The following DMD variants were observed in gnomAD, a reference collection of about 807,000 sequenced individuals.
The protein encoded by DMD is mutant dystrophin.
In DMD, 63 loss-of-function variants were observed where a neutral mutation model predicts 330.1. The ratio of observed to expected loss-of-function variants is 0.19; its 90% CI spans 0.16 to 0.24. The LOEUF (loss-of-function observed/expected upper bound fraction) is 0.24, where lower values mean the gene tolerates loss of function less well. Among genes scored for constraint, DMD ranks in the 10% least tolerant of loss-of-function variants. The probability of loss-of-function intolerance (pLI) is 1.00; values close to 1 mark genes in which losing one functional copy is unlikely to be tolerated. For missense variants in DMD, 3,344 were observed against 2,684.1 expected (o/e 1.25, Z -5.43); for synonymous variants, 1,223 against 959.8 (o/e 1.27, Z -5.07).
intron 60 of DMD, among the ~76,000 whole-genome samples, chrX:31,418,101 G>A (rs141658441): frequency 2.4e-4 from 26 of 110,434 alleles, no homozygotes; most frequent in Admixed American, 8.7e-4. Flanking sequence ...GTTTTAGTCC[G>A]TTGGAATGCT....
chrX:32,690,261 T>C (rs2063181166), intron 9 of DMD, among the ~76,000 whole-genome samples: 1 of 110,682 alleles, frequency 9.0e-6, no homozygotes, highest in Non-Finnish European at 1.9e-5. Flanking sequence ...ACAAATTCCA[T>C]TCACAAGAGC....
rs376686553 is a variant in DMD, at chrX:31,274,766, C to T, written c.9225-13750G>A. The stretch of plus-strand genomic sequence containing the variant: ...ATTAAGTTCTTTAAATAACTTCAAA[C>T]ATAGTGTATTTATGGAACACTTACA... On this transcript the variant is annotated intron_variant, in intron 62 of 78. Coordinates refer to ENST00000357033, the MANE Select transcript of DMD (RefSeq NM_004006.3). 5.3e-5 allele frequency among the ~76,000 whole-genome samples: 6 copies of T among 112,327 alleles called. No individual in the cohort carries two copies. The East Asian group carries it at 1.7e-3, about 31-fold the overall frequency.
intron 18 of DMD, among the ~76,000 whole-genome samples, chrX:32,507,370 G>A (rs1047355444): frequency 9.0e-6 from 1 of 111,632 alleles, no homozygotes; most frequent in African/African-American, 3.2e-5. Flanking sequence ...AAAGTAGAAT[G>A]AGAACACTAT....
chrX:31,321,320 C>T (rs989256861), intron 62 of DMD, among the ~76,000 whole-genome samples: 3 of 109,800 alleles, frequency 2.7e-5, no homozygotes, highest in African/African-American at 1.0e-4. Flanking sequence ...CATGGTGGCT[C>T]AAGCCTGTAA....
intron 43 of DMD, among the ~76,000 whole-genome samples, chrX:32,266,871 A>T (rs908250416): frequency 8.9e-6 from 1 of 112,148 alleles, no homozygotes; most frequent in African/African-American, 3.2e-5. Context: ...AGGAACTATG[A>T]AGCAGTTTGC....
intron 60 of DMD, among the ~76,000 whole-genome samples, chrX:31,400,831 G>T (rs1172159993): frequency 8.9e-6 from 1 of 111,978 alleles, no homozygotes; most frequent in Admixed American, 9.5e-5. Context: ...GTTCACATCA[G>T]CTTGAAACGA....
chrX:31,638,355 C>A (rs892102006), intron 54 of DMD, among the ~76,000 whole-genome samples: 1 of 111,584 alleles, frequency 9.0e-6, no homozygotes, highest in African/African-American at 3.3e-5. Flanking sequence ...GATGGGCCTC[C>A]TCTCTGTAGT....
intron 60 of DMD, among the ~76,000 whole-genome samples, chrX:31,386,674 G>C (rs1189351651): frequency 8.9e-6 from 1 of 112,149 alleles, no homozygotes; most frequent in Non-Finnish European, 1.9e-5. Context: ...ATTGTTTACT[G>C]AATCACTGAC....
intron 7 of DMD, among the ~76,000 whole-genome samples, chrX:32,774,148 G>A (rs2073914167): frequency 8.9e-6 from 1 of 111,956 alleles, no homozygotes; most frequent in Admixed American, 9.5e-5. Context: ...CTGCTAAAGG[G>A]CAAGGGTTCC....
In DMD at chrX:32,586,117, T is replaced by G. The variant is rs192104116; in HGVS notation, c.1602+9640A>C. 1.3e-4 allele frequency among the ~76,000 whole-genome samples: 14 copies of G among 111,190 alleles called. No homozygotes were observed. In the East Asian group the frequency reaches 3.9e-3, roughly 31 times the overall value. ...CATATCAAAGCTGATCAAAACATACTCAAAAGTTTTCTAATAACTGAATCA... is the reference window on the plus strand; with the variant it reads ...CATATCAAAGCTGATCAAAACATACGCAAAAGTTTTCTAATAACTGAATCA... On this transcript the variant is annotated intron_variant, in intron 13 of 78. Transcript: ENST00000357033.
intron 20 of DMD, among the ~76,000 whole-genome samples, chrX:32,487,385 T>C (rs1290505708): frequency 9.0e-6 from 1 of 111,539 alleles, no homozygotes; most frequent in Non-Finnish European, 1.9e-5. Flanking sequence ...TTAGTTACTA[T>C]TTAATATGTA....
intron 2 of DMD, among the ~76,000 whole-genome samples, chrX:32,896,210 G>A (rs1477892962): frequency 2.7e-5 from 3 of 111,541 alleles, no homozygotes; most frequent in East Asian, 5.7e-4. Flanking sequence ...GCAGTCTGCT[G>A]TAGCCTGCTT....
At chrX:32,425,245 T>TA (rs1485534057) in intron 29 of DMD, among the ~76,000 whole-genome samples, 1 of 111,272 alleles carries the variant, frequency 9.0e-6, no homozygotes. Flanking sequence ...TGCAGAGTCC[T>TA]AAACAACCTG....
At chrX:33,223,389 C>T (rs1255505081) in intron 1 of DMD, among the ~76,000 whole-genome samples, 3 of 111,920 alleles carry the variant, frequency 2.7e-5, no homozygotes. Context: ...TGCTCTACTT[C>T]AAGACTTCGG....
chrX:31,353,268 T>C (rs2058516359), intron 60 of DMD, among the ~76,000 whole-genome samples: 1 of 111,066 alleles, frequency 9.0e-6, no homozygotes, highest in Non-Finnish European at 1.9e-5. Flanking sequence ...CGTCCCAGAC[T>C]CTGAGGCTCA....
At chrX:32,299,270 A>G (rs1188721410) in intron 42 of DMD, among the ~76,000 whole-genome samples, 3 of 110,732 alleles carry the variant, frequency 2.7e-5, no homozygotes, top group Non-Finnish European at 5.7e-5. Context: ...TTATCCTGCC[A>G]TTTTAAGGAT....
intron 29 of DMD, among the ~76,000 whole-genome samples, chrX:32,418,479 A>G (rs1301117420): frequency 8.9e-6 from 1 of 111,927 alleles, no homozygotes; most frequent in Non-Finnish European, 1.9e-5. Flanking sequence ...TGCAAGTTGC[A>G]TGTTTTATAT....
intron 2 of DMD, among the ~76,000 whole-genome samples, chrX:32,942,113 G>GTGTGTGCGTGTGTGTGTGTT (rs1318497037): frequency 1.5e-5 from 1 of 68,720 alleles, no homozygotes; most frequent in Non-Finnish European, 2.5e-5. Context: ...TGAGAAGGGA[G>GTGTGTGCGTGTGTGTGTGTT]TGTGTGCGTG....
In DMD at chrX:33,196,105, T is replaced by G. The variant is rs1339671772; in HGVS notation, c.31+15177A>C. 3.6e-5 allele frequency among the ~76,000 whole-genome samples: 4 copies of G among 111,550 alleles called. No individual in the cohort carries two copies. In the East Asian group the frequency reaches 1.1e-3, roughly 31 times the overall value. On this transcript the variant is annotated intron_variant, in intron 1 of 78. Transcript: ENST00000357033. ...GACCTAGGGTAGTAAGGAATTCTTTTAAACAATATTCTATAAGGAAAGATA... is the reference window on the plus strand; with the variant it reads ...GACCTAGGGTAGTAAGGAATTCTTTGAAACAATATTCTATAAGGAAAGATA...
Sources: allele counts gnomAD v4.1 joint callset (sites outside exome capture counted in the v4.1 genomes callset), GRCh38; gene constraint gnomAD v4.1.1; transcripts MANE v1.5; gene names NCBI Gene and HGNC (gene_info 2026-07-23, HGNC 2026-07-21).